TRPM3: variants seen among roughly 807,000 people sequenced by gnomAD.
TRPM3 encodes the protein transient receptor potential cation channel subfamily M member 3.
A neutral mutation model predicts 181.2 loss-of-function variants in TRPM3; 77 were observed. The ratio of observed to expected loss-of-function variants is 0.42; its 90% CI spans 0.35 to 0.51. The LOEUF (loss-of-function observed/expected upper bound fraction) is 0.51, where lower values mean the gene tolerates loss of function less well. Among genes scored for constraint, TRPM3 ranks in the 20% least tolerant of loss-of-function variants. The pLI, the probability that TRPM3 is intolerant of heterozygous loss-of-function variation, is 0.01. For missense variants in TRPM3, 1,759 were observed against 2,196.7 expected, an observed-to-expected ratio of 0.80 and a Z score of 3.98; for synonymous variants, 745 against 796.4, an observed-to-expected ratio of 0.94 and a Z score of 1.09.
chr9:71,303,862 A>G (rs576366761), intron 1 of TRPM3, among the ~76,000 whole-genome samples: 323 of 152,318 alleles, frequency 2.1e-3, no homozygotes, highest in African/African-American at 7.5e-3. Flanking sequence ...ATTGTATTGC[A>G]ATGATTGTTC....
intron 1 of TRPM3, among the ~76,000 whole-genome samples, chr9:71,286,410 TAG>T (rs1272217999): frequency 6.6e-6 from 1 of 152,142 alleles, no homozygotes; most frequent in Non-Finnish European, 1.5e-5. Context: ...CCATCTTCCA[TAG>T]AGAGGGAAAA....
intron 1 of TRPM3, among the ~76,000 whole-genome samples, chr9:70,958,177 A>C (rs2097099005): frequency 6.6e-6 from 1 of 152,100 alleles, no homozygotes; most frequent in African/African-American, 2.4e-5. Context: ...ACCCCTTTCC[A>C]TTCTATACCC....
chr9:71,154,444 C>T (rs956465220), intron 1 of TRPM3, among the ~76,000 whole-genome samples: 2 of 152,068 alleles, frequency 1.3e-5, no homozygotes, highest in Admixed American at 6.6e-5. Context: ...CTGTAAGCCC[C>T]CTTCACACTT....
At chr9:71,159,878 A>T (rs1034200388) in intron 1 of TRPM3, among the ~76,000 whole-genome samples, 4 of 152,096 alleles carry the variant, frequency 2.6e-5, no homozygotes, top group Non-Finnish European at 5.9e-5. Flanking sequence ...TCTAAGGAAA[A>T]CATTTACTCC....
intron 1 of TRPM3, among the ~76,000 whole-genome samples, chr9:71,378,353 G>C (rs1296206486): frequency 6.6e-6 from 1 of 152,012 alleles, no homozygotes; most frequent in Non-Finnish European, 1.5e-5. Flanking sequence ...ATATACTATG[G>C]ATACAACCAC....
chr9:71,139,532 A>G (rs1357534202), intron 1 of TRPM3, among the ~76,000 whole-genome samples: 1 of 152,216 alleles, frequency 6.6e-6, no homozygotes, highest in South Asian at 2.1e-4. Flanking sequence ...TGGAGATAAT[A>G]CTAAAAGGGT....
chr9:70,955,621 G>C (rs2097059918), intron 1 of TRPM3, among the ~76,000 whole-genome samples: 1 of 152,186 alleles, frequency 6.6e-6, no homozygotes, highest in African/African-American at 2.4e-5. Flanking sequence ...ATCAAGGAAA[G>C]CGCTAGAACT....
At chr9:70,750,228 CAGA>C (rs2075888998) in intron 8 of TRPM3, among the ~76,000 whole-genome samples, 3 of 152,130 alleles carry the variant, frequency 2.0e-5, no homozygotes, top group Admixed American at 6.6e-5. Flanking sequence ...GAAATGGCAG[CAGA>C]AGAGAATCTT....
chr9:70,846,668 A>G (rs893914340), intron 3 of TRPM3, 77 bp from the exon 4 acceptor site: 18 of 1,227,478 alleles, frequency 1.5e-5, no homozygotes, highest in Middle Eastern at 2.3e-4. Flanking sequence ...GATTGCAATT[A>G]TATGTGTAGT....
intron 1 of TRPM3, among the ~76,000 whole-genome samples, chr9:70,980,620 C>T (rs1013778760): frequency 8.5e-5 from 13 of 152,156 alleles, no homozygotes; most frequent in Non-Finnish European, 1.6e-4. Flanking sequence ...GACTGATTTA[C>T]TCATTCTTCT....
intron 1 of TRPM3, among the ~76,000 whole-genome samples, chr9:71,334,534 G>C (rs2090427479): frequency 6.8e-6 from 1 of 147,726 alleles, no homozygotes; most frequent in South Asian, 2.1e-4. Context: ...GGCTAATCCT[G>C]TCTTACCCAC....
At chr9:71,044,071 T>C (rs572014171) in intron 1 of TRPM3, among the ~76,000 whole-genome samples, 2 of 152,354 alleles carry the variant, frequency 1.3e-5, no homozygotes, top group East Asian at 3.9e-4. Context: ...TTTTCCATAA[T>C]TAAATCTCAC....
intron 6 of TRPM3, among the ~76,000 whole-genome samples, chr9:70,813,532 G>GA (rs2092358401): frequency 6.6e-6 from 1 of 151,844 alleles, no homozygotes. Flanking sequence ...GGCAGGGGCT[G>GA]AAAATCTTCC....
intron 5 of TRPM3, 91 bp downstream of exon 5, chr9:70,842,912 T>C: frequency 1.1e-5 from 14 of 1,320,884 alleles, no homozygotes; most frequent in Non-Finnish European, 1.5e-5. Flanking sequence ...AAGAATACTA[T>C]AATGTGCACA....
intron 1 of TRPM3, chr9:71,446,629 TG>T (rs906616900): frequency 1.4e-5 from 22 of 1,547,194 alleles, no homozygotes; most frequent in Non-Finnish European, 1.9e-5. Context: ...AAGCAAAGAC[TG>T]GGGCTCTCCC....
At chr9:71,095,859 T>C (rs918849788) in intron 1 of TRPM3, among the ~76,000 whole-genome samples, 69 of 151,956 alleles carry the variant, frequency 4.5e-4, no homozygotes, top group African/African-American at 1.6e-3. Context: ...CTAATAGCTG[T>C]AAAGATTTAT....
At chr9:70,923,871 CATATATAT>C (rs1194397047) in intron 1 of TRPM3, among the ~76,000 whole-genome samples, 2 of 138,982 alleles carry the variant, frequency 1.4e-5, no homozygotes, top group African/African-American at 5.4e-5. Flanking sequence ...TATATATATA[CATATATAT>C]ACACACACAC....
chr9:70,926,633 G>C (rs1368460790), intron 1 of TRPM3, among the ~76,000 whole-genome samples: 1 of 152,096 alleles, frequency 6.6e-6, no homozygotes, highest in Non-Finnish European at 1.5e-5. Flanking sequence ...CTTGGCTATC[G>C]ATTATAGAAG....
At chr9:70,982,691 G>A (rs1328204642) in intron 1 of TRPM3, among the ~76,000 whole-genome samples, 1 of 152,068 alleles carries the variant, frequency 6.6e-6, no homozygotes, top group Non-Finnish European at 1.5e-5. Flanking sequence ...CTTGTTGAAA[G>A]TTCTCTCATT....
Sources: allele counts gnomAD v4.1 joint callset (sites outside exome capture counted in the v4.1 genomes callset), GRCh38; gene constraint gnomAD v4.1.1; transcripts MANE v1.5; gene names NCBI Gene and HGNC (gene_info 2026-07-23, HGNC 2026-07-21).